The following ADGRB3 variants were observed in gnomAD, a reference collection of about 807,000 sequenced individuals.
The protein encoded by ADGRB3 is adhesion G protein-coupled receptor B3, also known as brain-specific angiogenesis inhibitor 3.
Under a neutral mutation model 193.4 loss-of-function variants are expected in ADGRB3, and 37 were observed. That is an observed-to-expected ratio of 0.19 (90% CI 0.15 to 0.25). The LOEUF (loss-of-function observed/expected upper bound fraction) is 0.25. Among genes scored for constraint, ADGRB3 ranks in the 10% least tolerant of loss-of-function variants. The pLI, the probability that ADGRB3 is intolerant of heterozygous loss-of-function variation, is 1.00. For synonymous variants in ADGRB3, 690 were observed against 644.2 expected, an observed-to-expected ratio of 1.07 and a Z score of -1.08; for missense variants, 1,637 against 1,852.9, an observed-to-expected ratio of 0.88 and a Z score of 2.14.
At chr6:69,045,994 C>A (rs1481017270) in intron 13 of ADGRB3, among the ~76,000 whole-genome samples, 2 of 152,082 alleles carry the variant, frequency 1.3e-5, no homozygotes, top group Non-Finnish European at 2.9e-5. Context: ...TAAAGTAAGA[C>A]CCATGCATGT....
intron 17 of ADGRB3, among the ~76,000 whole-genome samples, chr6:69,196,321 G>T (rs763029233): frequency 6.6e-6 from 1 of 152,010 alleles, no homozygotes. Flanking sequence ...TGGTAAACAG[G>T]CTGGCCTTTC....
chr6:68,798,875 G>A (rs529530089), intron 3 of ADGRB3, among the ~76,000 whole-genome samples: 1 of 152,256 alleles, frequency 6.6e-6, no homozygotes, highest in Admixed American at 6.5e-5. Context: ...CAGAAAAGCT[G>A]AAGTCCTTCA....
At chr6:69,189,252 ATCAGTATTTTT>A (rs1168625615) in intron 17 of ADGRB3, among the ~76,000 whole-genome samples, 1 of 152,208 alleles carries the variant, frequency 6.6e-6, no homozygotes, top group Non-Finnish European at 1.5e-5. Context: ...TTGAATGTTC[ATCAGTATTTTT>A]TCCAGTATTT....
chr6:68,661,305 A>ATATG (rs1554166963), intron 3 of ADGRB3, among the ~76,000 whole-genome samples: 5 of 96,750 alleles, frequency 5.2e-5, no homozygotes, highest in East Asian at 5.6e-4. Flanking sequence ...ATATATATAT[A>ATATG]TGTGTGTGTG....
chr6:69,168,258 G>A (rs1235283917), intron 17 of ADGRB3, among the ~76,000 whole-genome samples: 1 of 152,076 alleles, frequency 6.6e-6, no homozygotes, highest in Admixed American at 6.6e-5. Context: ...GGAAAATGCT[G>A]GGTTCAATTT....
At chr6:68,756,466 G>C (rs1766300758) in intron 3 of ADGRB3, among the ~76,000 whole-genome samples, 2 of 152,174 alleles carry the variant, frequency 1.3e-5, no homozygotes, top group African/African-American at 4.8e-5. Context: ...GAAGAAAGTG[G>C]TTGCCTAAAT....
intron 17 of ADGRB3, among the ~76,000 whole-genome samples, chr6:69,185,132 T>C (rs1765042070): frequency 6.6e-6 from 1 of 152,146 alleles, no homozygotes; most frequent in Admixed American, 6.6e-5. Flanking sequence ...TCTTACGTTT[T>C]GTAGGAACAA....
intron 26 of ADGRB3, among the ~76,000 whole-genome samples, chr6:69,341,510 A>G (rs1768973314): frequency 6.6e-6 from 1 of 152,190 alleles, no homozygotes; most frequent in South Asian, 2.1e-4. Flanking sequence ...TTCACATTGC[A>G]AGGGGAGGAG....
intron 8 of ADGRB3, among the ~76,000 whole-genome samples, chr6:68,974,176 TTTA>T (rs1424749770): frequency 6.6e-6 from 1 of 152,156 alleles, no homozygotes; most frequent in Non-Finnish European, 1.5e-5. Context: ...TATAAATATT[TTTA>T]TTGATATGCC....
intron 8 of ADGRB3, among the ~76,000 whole-genome samples, chr6:68,958,873 G>A (rs77083787): frequency 9.4e-5 from 1 of 10,672 alleles, no homozygotes; most frequent in African/African-American, 3.7e-4. Context: ...GAAAAATAGT[G>A]TGTGTGTGTG....
intron 19 of ADGRB3, among the ~76,000 whole-genome samples, chr6:69,237,318 A>G (rs1009341351): frequency 6.6e-6 from 1 of 152,060 alleles, no homozygotes; most frequent in Non-Finnish European, 1.5e-5. Context: ...CAAGTATTTT[A>G]TACATAATAG....
chr6:68,713,948 A>G (rs1765449049), intron 3 of ADGRB3, among the ~76,000 whole-genome samples: 1 of 151,700 alleles, frequency 6.6e-6, no homozygotes, highest in African/African-American at 2.4e-5. Flanking sequence ...ATAATTGTTT[A>G]TACATTATAT....
At chr6:69,296,496 C>T (rs1018828092) in intron 20 of ADGRB3, among the ~76,000 whole-genome samples, 8 of 152,024 alleles carry the variant, frequency 5.3e-5, no homozygotes, top group Non-Finnish European at 1.2e-4. Context: ...ATAATTAGAG[C>T]CCTACATGTC....
intron 26 of ADGRB3, among the ~76,000 whole-genome samples, chr6:69,342,141 A>T (rs540486858): frequency 6.6e-6 from 1 of 152,198 alleles, no homozygotes; most frequent in Admixed American, 6.5e-5. Flanking sequence ...CAAGTAATTA[A>T]ATCAATCATA....
chr6:68,722,780 C>CT (rs1278735470), intron 3 of ADGRB3, among the ~76,000 whole-genome samples: 1 of 151,332 alleles, frequency 6.6e-6, no homozygotes, highest in Non-Finnish European at 1.5e-5. Flanking sequence ...GAAATCAACT[C>CT]TTTTTTTCCT....
chr6:69,328,229 G>A (rs1166751843), intron 22 of ADGRB3, among the ~76,000 whole-genome samples: 2 of 152,100 alleles, frequency 1.3e-5, no homozygotes, highest in East Asian at 3.9e-4. Context: ...GTGCTGCTAT[G>A]AGCTTCTAAT....
At chr6:68,832,474 C>G (rs1767974258) in intron 3 of ADGRB3, among the ~76,000 whole-genome samples, 1 of 152,146 alleles carries the variant, frequency 6.6e-6, no homozygotes, top group Non-Finnish European at 1.5e-5. Context: ...TAATTTGCCT[C>G]TAGACCCAAA....
intron 3 of ADGRB3, among the ~76,000 whole-genome samples, chr6:68,923,149 A>T (rs1215735684): frequency 6.6e-6 from 1 of 152,148 alleles, no homozygotes; most frequent in African/African-American, 2.4e-5. Flanking sequence ...AAAAGATACT[A>T]TTTTAAGTTA....
intron 20 of ADGRB3, among the ~76,000 whole-genome samples, chr6:69,297,362 C>T (rs894990270): frequency 1.7e-5 from 2 of 120,216 alleles, no homozygotes; most frequent in African/African-American, 7.8e-5. Flanking sequence ...CTCTCTCTCT[C>T]TCTCTTTCTC....
Sources: gnomAD v4.1 joint callset for allele counts (sites outside exome capture counted in the v4.1 genomes callset) on GRCh38, gnomAD v4.1.1 for gene constraint, MANE v1.5 for transcripts, NCBI Gene and HGNC (gene_info 2026-07-23, HGNC 2026-07-21) for gene names.